Variants in ANKS1B observed in about 807,000 individuals in gnomAD.
The protein encoded by ANKS1B is ankyrin repeat and sterile alpha motif domain-containing protein 1B.
In ANKS1B, 36 loss-of-function variants were observed where a neutral mutation model predicts 148.3. The ratio of observed to expected loss-of-function variants is 0.24; its 90% CI spans 0.19 to 0.32. The LOEUF (loss-of-function observed/expected upper bound fraction) is 0.32, where lower values mean the gene tolerates loss of function less well. ANKS1B is among the 10% of genes least tolerant of loss of function. ANKS1B has a pLI of 1.00. For synonymous variants in ANKS1B, 542 were observed against 560.8 expected, an observed-to-expected ratio of 0.97 and a Z score of 0.47; for missense variants, 1,157 against 1,542.6, an observed-to-expected ratio of 0.75 and a Z score of 4.19.
intron 14 of ANKS1B, among the ~76,000 whole-genome samples, chr12:99,163,832 T>C (rs921162398): frequency 4.6e-5 from 7 of 152,168 alleles, no homozygotes; most frequent in Non-Finnish European, 1.0e-4. Context: ...TAGTATTCCA[T>C]GATATGGATG....
chr12:98,744,991 C>T lies in ANKS1B; in HGVS notation c.*748G>A, dbSNP rs552229582. ...GAAATGAAACCAGAAACATCCCTCG[C>T]AACTAACCTAGTTTTCTTATCAATG... is the stretch of plus-strand genomic sequence containing the variant. On this transcript the variant is annotated 3_prime_UTR_variant, in exon 27 of 27. Coordinates refer to ENST00000683438, the MANE Select transcript of ANKS1B (RefSeq NM_001352186.2). 7.1e-5 allele frequency: 70 copies of T among 985,838 alleles called. No individual in the cohort carries two copies. The South Asian group carries it at 2.9e-3, about 41-fold the overall frequency. 61.1% of individuals were successfully genotyped at this position (985,838 alleles called of 1,614,324 possible).
At chr12:99,462,760 G>A (rs1446153340) in intron 10 of ANKS1B, among the ~76,000 whole-genome samples, 1 of 152,208 alleles carries the variant, frequency 6.6e-6, no homozygotes, top group Admixed American at 6.5e-5. Flanking sequence ...GGAGGTGTTT[G>A]CATTATGGGA....
chr12:99,107,735 A>G (rs1262031843), intron 15 of ANKS1B, among the ~76,000 whole-genome samples: 1 of 152,148 alleles, frequency 6.6e-6, no homozygotes, highest in Non-Finnish European at 1.5e-5. Flanking sequence ...GTTTGCCACA[A>G]TTTTCTTGCA....
intron 14 of ANKS1B, among the ~76,000 whole-genome samples, chr12:99,182,408 C>A (rs1233201844): frequency 1.3e-5 from 2 of 152,190 alleles, no homozygotes; most frequent in Admixed American, 1.3e-4. Context: ...TAAGTGAGAA[C>A]ATGCAAAGCT....
chr12:99,514,899 G>A (rs1000966867), intron 9 of ANKS1B, among the ~76,000 whole-genome samples: 5 of 151,918 alleles, frequency 3.3e-5, no homozygotes, highest in Non-Finnish European at 7.4e-5. Flanking sequence ...GGACTGCAAT[G>A]CAACAATTTC....
chr12:99,423,885 G>A (rs1594531785), intron 11 of ANKS1B, among the ~76,000 whole-genome samples: 1 of 152,086 alleles, frequency 6.6e-6, no homozygotes, highest in East Asian at 1.9e-4. Context: ...ATAGCTAATG[G>A]GTACTAGGCT....
intron 3 of ANKS1B, among the ~76,000 whole-genome samples, chr12:99,808,069 T>C (rs1175949224): frequency 1.3e-5 from 2 of 152,100 alleles, no homozygotes; most frequent in African/African-American, 4.8e-5. Flanking sequence ...CACTATACCA[T>C]GTTGTCTGCC....
chr12:99,320,309 C>T (rs1411559513), intron 12 of ANKS1B, among the ~76,000 whole-genome samples: 2 of 152,138 alleles, frequency 1.3e-5, no homozygotes, highest in Non-Finnish European at 2.9e-5. Context: ...TTCTGTTCTC[C>T]CCGTCACTTT....
intron 15 of ANKS1B, among the ~76,000 whole-genome samples, chr12:99,127,549 A>G (rs1464379554): frequency 1.3e-5 from 2 of 152,252 alleles, no homozygotes; most frequent in Non-Finnish European, 2.9e-5. Context: ...CGCTTTAAAC[A>G]CAATACACCA....
chr12:99,211,126 G>C (rs1285672387), intron 14 of ANKS1B, among the ~76,000 whole-genome samples: 1 of 152,186 alleles, frequency 6.6e-6, no homozygotes, highest in African/African-American at 2.4e-5. Context: ...AACCCAGAAT[G>C]GTGGTAACTT....
intron 12 of ANKS1B, among the ~76,000 whole-genome samples, chr12:99,358,588 A>G (rs551377743): frequency 3.6e-4 from 55 of 152,140 alleles, no homozygotes; most frequent in African/African-American, 1.2e-3. Context: ...TCTAGACCCT[A>G]CTAGTACCAC....
At chr12:99,960,922 T>C (rs2095402264) in intron 1 of ANKS1B, among the ~76,000 whole-genome samples, 1 of 152,062 alleles carries the variant, frequency 6.6e-6, no homozygotes, top group South Asian at 2.1e-4. Flanking sequence ...TCACACAGTA[T>C]TTTGGTTCTT....
At chr12:99,236,459 G>T (rs1333023916) in intron 14 of ANKS1B, among the ~76,000 whole-genome samples, 12 of 152,182 alleles carry the variant, frequency 7.9e-5, no homozygotes, top group African/African-American at 2.9e-4. Context: ...GAGAGACACA[G>T]TAAAGGGGGA....
chr12:99,378,302 A>T (rs190492239), intron 12 of ANKS1B, among the ~76,000 whole-genome samples: 1 of 152,296 alleles, frequency 6.6e-6, no homozygotes, highest in African/African-American at 2.4e-5. Context: ...CTGAAACCCA[A>T]TGAGATTCAT....
At position 98,751,204 on chromosome 12, in the gene ANKS1B, G is replaced by A; in HGVS notation, c.3747+151C>T. 1.3e-6 allele frequency: 1 copy of A among 773,002 alleles called. No homozygotes were observed. The highest frequency in any genetic ancestry group is 2.1e-6 in the Non-Finnish European group (1 of 486,194). The allele number at this position is 773,002 out of a possible 1,614,324, so 47.9% of individuals were successfully genotyped here. On this transcript the variant is annotated intron_variant, in intron 26 of 26. Transcript: ENST00000683438. The surrounding 1 kb of genome is among the most constrained non-coding windows in gnomAD (Gnocchi z 4.3). ...GACTTGGTGGGAACCAGGCAGAGGT[G>A]ATGATGGACACATGCCAGGAGGAGG...
intron 12 of ANKS1B, among the ~76,000 whole-genome samples, chr12:99,293,100 C>A (rs2080269964): frequency 6.6e-6 from 1 of 152,114 alleles, no homozygotes; most frequent in African/African-American, 2.4e-5. Context: ...TGGAACCAAC[C>A]CCAATGTCCA....
At chr12:99,101,534 A>G (rs1401849883) in intron 15 of ANKS1B, among the ~76,000 whole-genome samples, 1 of 152,182 alleles carries the variant, frequency 6.6e-6, no homozygotes, top group Non-Finnish European at 1.5e-5. Flanking sequence ...ATAGACTTTC[A>G]GAGGAGGTAG....
rs60100516 is a variant in ANKS1B at position 99,292,326 on chromosome 12, C to CTAAAAATAAAAATAAAAA, written c.1757-45480_1757-45463dup. ...GCTAACACAGTGAACCCCATCTCTA[C>CTAAAAATAAAAATAAAAA]TAAAAATAAAAATAAAAATAAAAAT... On this transcript the variant is annotated intron_variant, in intron 12 of 26. Coordinates refer to ENST00000683438, the MANE Select transcript of ANKS1B (RefSeq NM_001352186.2). Among the ~76,000 whole-genome samples, 633 of 139,554 alleles carry CTAAAAATAAAAATAAAAA rather than the reference C, an allele frequency of 4.5e-3. 5 individuals are homozygous for CTAAAAATAAAAATAAAAA. The highest frequency in any genetic ancestry group is 0.017 in the African/African-American group (590 of 34,504). The allele number at this position is 139,554 out of a possible 152,430, so 91.6% of individuals were successfully genotyped here. A position where few individuals can be genotyped will look rare whatever the true frequency, so the allele number is the denominator to read the frequency against.
intron 4 of ANKS1B, among the ~76,000 whole-genome samples, chr12:99,786,790 C>T (rs2065053313): frequency 6.6e-6 from 1 of 152,092 alleles, no homozygotes; most frequent in South Asian, 2.1e-4. Context: ...CCAAATATTC[C>T]AGCAGATGAA....
Sources: gnomAD v4.1 joint callset for allele counts (sites outside exome capture counted in the v4.1 genomes callset) on GRCh38, gnomAD v4.1.1 for gene constraint, Gnocchi (gnomAD v3.1) non-coding constraint, MANE v1.5 for transcripts, NCBI Gene and HGNC (gene_info 2026-07-23, HGNC 2026-07-21) for gene names.